Variants in ADGRL3 observed in about 807,000 individuals in gnomAD.
The protein encoded by ADGRL3 is calcium-independent alpha-latrotoxin receptor 3.
A neutral mutation model predicts 153.5 loss-of-function variants in ADGRL3; 62 were observed. The observed-to-expected ratio is 0.40, with a 90% CI of 0.33 to 0.50. The LOEUF is 0.50. ADGRL3 is among the 20% of genes least tolerant of loss of function. The pLI, the probability that ADGRL3 is intolerant of heterozygous loss-of-function variation, is 0.47. For missense variants in ADGRL3, 1,641 were observed against 1,859.4 expected (o/e 0.88, Z 2.16); for synonymous variants, 710 against 672.5 (o/e 1.06, Z -0.86).
At chr4:61,315,476 C>T (rs1332568114) in intron 1 of ADGRL3, among the ~76,000 whole-genome samples, 1 of 152,072 alleles carries the variant, frequency 6.6e-6, no homozygotes, top group East Asian at 1.9e-4. Flanking sequence ...GGCAAGGGCT[C>T]TGTATACAAA....
At position 62,073,244 on chromosome 4, in the gene ADGRL3, A is replaced by T. The variant is rs1158589653; in HGVS notation, c.*2336A>T. 1.3e-5 allele frequency: 2 copies of T among 152,208 alleles called. No homozygotes were observed. Among genetic ancestry groups the T allele is most frequent in the Non-Finnish European group, 2.9e-5 (2 of 68,030 alleles). The allele number at this position is 152,208 out of a possible 1,614,324, so 9.4% of individuals were successfully genotyped here. On this transcript the variant is annotated 3_prime_UTR_variant, in exon 27 of 27. Transcript: ENST00000683033. The stretch of plus-strand genomic sequence containing the variant: ...AAAAATTTCTGCTGAGCCAGAGTGC[A>T]TCATAACCTTCACATCACCTCAAAA...
At chr4:61,994,291 G>T (rs2099114177) in intron 19 of ADGRL3, among the ~76,000 whole-genome samples, 1 of 151,968 alleles carries the variant, frequency 6.6e-6, no homozygotes, top group African/African-American at 2.4e-5. Context: ...GGGACCACAG[G>T]CATGCATCAC....
rs80019701 is a variant in ADGRL3 at position 61,876,520 on chromosome 4, A to G, written c.1481-16136A>G. ...CATATGATGAATACAGATGTAAGTA[A>G]TCCAAAAATGACAATTTCACTCTAC... On this transcript the variant is annotated intron_variant, in intron 9 of 26. Transcript: ENST00000683033. Among the ~76,000 whole-genome samples the G allele has an allele frequency of 5.6e-3, 855 of 152,284 alleles. 6 individuals carry two copies. Among genetic ancestry groups the G allele is most frequent in the African/African-American group, 0.019 (809 of 41,552 alleles).
intron 21 of ADGRL3, among the ~76,000 whole-genome samples, chr4:62,010,863 A>T (rs1161032325): frequency 6.6e-6 from 1 of 152,134 alleles, no homozygotes; most frequent in Non-Finnish European, 1.5e-5. Context: ...CTCTGTTTTT[A>T]ACTTTTTTAT....
intron 1 of ADGRL3, among the ~76,000 whole-genome samples, chr4:61,297,756 A>C (rs2094456357): frequency 6.6e-6 from 1 of 151,810 alleles, no homozygotes; most frequent in African/African-American, 2.4e-5. Context: ...GTGTTAAATG[A>C]AATACCCTCT....
At chr4:62,014,520 C>T (rs57117815) in intron 21 of ADGRL3, among the ~76,000 whole-genome samples, 281 of 152,200 alleles carry the variant, frequency 1.8e-3, no homozygotes, top group African/African-American at 6.5e-3. Flanking sequence ...TGCCTAAATT[C>T]ATTACTTACT....
chr4:61,365,357 A>C (rs1157256511), intron 1 of ADGRL3, among the ~76,000 whole-genome samples: 2 of 152,240 alleles, frequency 1.3e-5, no homozygotes, highest in African/African-American at 4.8e-5. Flanking sequence ...AAGGGGACCA[A>C]TATCTTGGCA....
rs1180282242 is a variant in ADGRL3 at position 61,201,367 on chromosome 4, A to C, written c.-638A>C. ...GGGTCCCTCGGCTGCTGCTGGAGAC[A>C]GAGCCTGACTCCGAAGTTGTGCAAC... On this transcript the variant is annotated 5_prime_UTR_variant, in exon 1 of 27. Coordinates refer to ENST00000683033, the MANE Select transcript of ADGRL3 (RefSeq NM_001387552.1). The C allele has an allele frequency of 6.6e-6, 1 of 152,518 alleles. No individual in the cohort carries two copies. The highest frequency in any genetic ancestry group is 1.5e-5 in the Non-Finnish European group (1 of 68,182). 9.4% of individuals were successfully genotyped at this position (152,518 alleles called of 1,614,324 possible).
At chr4:61,754,033 G>A (rs1359099701) in intron 8 of ADGRL3, among the ~76,000 whole-genome samples, 1 of 152,190 alleles carries the variant, frequency 6.6e-6, no homozygotes, top group African/African-American at 2.4e-5. Context: ...GCCGGGAAGT[G>A]ACCTTCCTTA....
chr4:61,869,975 AAAG>A (rs2098432368), intron 9 of ADGRL3, among the ~76,000 whole-genome samples: 1 of 101,298 alleles, frequency 9.9e-6, no homozygotes, highest in Admixed American at 1.1e-4. Context: ...AGAGAGAGAG[AAAG>A]AGAGAGAGAG....
Position 61,200,874 on chromosome 4 carries a change from T to C in ADGRL3, c.-1131T>C, listed in dbSNP as rs1049280207. Among the ~76,000 whole-genome samples the C allele has an allele frequency of 1.5e-4, 22 of 151,404 alleles. No individual in the cohort carries two copies. Among genetic ancestry groups the C allele is most frequent in the African/African-American group, 5.1e-4 (21 of 41,264 alleles). On this transcript the variant is annotated 5_prime_UTR_variant, in exon 1 of 27. Transcript: ENST00000683033. ...CCCGGCCCGGCCGGCGAGCTAATCATCCACCCCACGGGCTCGGGGTTCGCC... is the reference window on the plus strand; with the variant it reads ...CCCGGCCCGGCCGGCGAGCTAATCACCCACCCCACGGGCTCGGGGTTCGCC...
chr4:62,031,852 T>G (rs1305542664), intron 23 of ADGRL3, among the ~76,000 whole-genome samples: 1 of 151,502 alleles, frequency 6.6e-6, no homozygotes, highest in Non-Finnish European at 1.5e-5. Context: ...AATTATTTTC[T>G]TATAGATTTG....
intron 19 of ADGRL3, among the ~76,000 whole-genome samples, chr4:61,990,555 G>GAT (rs1450365896): frequency 6.6e-6 from 1 of 151,836 alleles, no homozygotes; most frequent in Non-Finnish European, 1.5e-5. Context: ...AATGATTTAT[G>GAT]ATATATAAAT....
chr4:61,456,429 C>CTATATATATAGATATATCTATATCTA (rs2097751310), intron 2 of ADGRL3, among the ~76,000 whole-genome samples: 33 of 34,244 alleles, frequency 9.6e-4, no homozygotes, highest in Non-Finnish European at 1.7e-3. Flanking sequence ...ATATCTATAT[C>CTATATATATAGATATATCTATATCTA]TATATATATA....
chr4:62,055,184 C>G (rs77918518), intron 25 of ADGRL3, among the ~76,000 whole-genome samples: 4,004 of 151,812 alleles, frequency 0.026, 185 homozygotes, highest in African/African-American at 0.093. Flanking sequence ...AAAATAAGAG[C>G]AATTGAAGAG....
At chr4:61,315,561 AG>A (rs1243120553) in intron 1 of ADGRL3, among the ~76,000 whole-genome samples, 1 of 152,120 alleles carries the variant, frequency 6.6e-6, no homozygotes, top group Admixed American at 6.6e-5. Flanking sequence ...ATCCTGGTGG[AG>A]AAGGAGGGGC....
chr4:61,517,542 G>A (rs1386202540), intron 4 of ADGRL3, 24 bp downstream of exon 4: 1 of 699,212 alleles, frequency 1.4e-6, no homozygotes, highest in East Asian at 2.7e-5. Flanking sequence ...TGGGGAGAGA[G>A]GGCTGGGGGT....
chr4:62,053,000 CAAAT>C (rs1047050419), intron 25 of ADGRL3, among the ~76,000 whole-genome samples: 3 of 151,250 alleles, frequency 2.0e-5, no homozygotes, highest in Admixed American at 6.6e-5. Context: ...AATTTTAAAA[CAAAT>C]AAAACTTGAA....
At chr4:61,605,619 A>T (rs748146629) in intron 5 of ADGRL3, among the ~76,000 whole-genome samples, 2 of 152,240 alleles carry the variant, frequency 1.3e-5, no homozygotes, top group Non-Finnish European at 2.9e-5. Context: ...TGTATAGTTC[A>T]AGATCATTGA....
Sources: gnomAD v4.1 joint callset for allele counts (sites outside exome capture counted in the v4.1 genomes callset) on GRCh38, gnomAD v4.1.1 for gene constraint, MANE v1.5 for transcripts, NCBI Gene and HGNC (gene_info 2026-07-23, HGNC 2026-07-21) for gene names.